Variants in RAPGEF5 observed in about 807,000 individuals in gnomAD.
The protein encoded by RAPGEF5 is Rap guanine nucleotide exchange factor 5.
A neutral mutation model predicts 125.2 loss-of-function variants in RAPGEF5; 65 were observed. The observed-to-expected ratio is 0.52, with a 90% CI of 0.43 to 0.64. The LOEUF is 0.64. Among genes scored for constraint, RAPGEF5 ranks in the 30% least tolerant of loss-of-function variants. The pLI, the probability that RAPGEF5 is intolerant of heterozygous loss-of-function variation, is 0.00. For synonymous variants in RAPGEF5, 391 were observed against 385.9 expected (o/e 1.01, Z -0.16); for missense variants, 958 against 1,048.1 (o/e 0.91, Z 1.19).
intron 2 of RAPGEF5, among the ~76,000 whole-genome samples, chr7:22,316,381 A>AGATAGATT (rs1783590851): frequency 7.2e-6 from 1 of 139,438 alleles, no homozygotes; most frequent in African/African-American, 2.6e-5. Context: ...ATAGATAGAT[A>AGATAGATT]GATTAAATGT....
intron 6 of RAPGEF5, among the ~76,000 whole-genome samples, chr7:22,275,827 T>C (rs1388635010): frequency 6.6e-6 from 1 of 152,118 alleles, no homozygotes; most frequent in East Asian, 1.9e-4. Flanking sequence ...GTGGTACAAA[T>C]CTGAATGAAT....
chr7:22,346,347 CT>C (rs1388170924), intron 1 of RAPGEF5, among the ~76,000 whole-genome samples: 3 of 152,176 alleles, frequency 2.0e-5, no homozygotes, highest in African/African-American at 7.2e-5. Flanking sequence ...CATACTTCCC[CT>C]AATCTCCAAA....
At chr7:22,250,373 T>C (rs895902840) in intron 7 of RAPGEF5, among the ~76,000 whole-genome samples, 4 of 152,230 alleles carry the variant, frequency 2.6e-5, no homozygotes, top group South Asian at 2.1e-4. Flanking sequence ...AAAAGAATAG[T>C]ATATAAATTT....
rs1782577724 is a variant in RAPGEF5, at chr7:22,121,345, C to T, written c.*1061G>A. On this transcript the variant is annotated 3_prime_UTR_variant, in exon 26 of 26. Transcript: ENST00000665637. The stretch of plus-strand genomic sequence containing the variant: ...CATTTGGCTATTTCAGGGCATTTTT[C>T]ATTTGCCAAAACACTAGTAATTACC... 6.6e-6 allele frequency: 1 copy of T among 151,884 alleles called. No homozygotes were observed. 9.4% of individuals were successfully genotyped at this position (151,884 alleles called of 1,614,324 possible).
At chr7:22,227,290 C>T (rs1320548437) in intron 8 of RAPGEF5, among the ~76,000 whole-genome samples, 1 of 151,820 alleles carries the variant, frequency 6.6e-6, no homozygotes, top group Admixed American at 6.6e-5. Flanking sequence ...AAAGATTTAA[C>T]AGGATAATCA....
chr7:22,130,033 T>C (rs1215382753), intron 24 of RAPGEF5, among the ~76,000 whole-genome samples: 1 of 152,150 alleles, frequency 6.6e-6, no homozygotes, highest in Non-Finnish European at 1.5e-5. Flanking sequence ...CTGCCTCACT[T>C]AACCTCCTCT....
chr7:22,213,632 C>T (rs1484614773), intron 9 of RAPGEF5, among the ~76,000 whole-genome samples: 16 of 152,250 alleles, frequency 1.1e-4, no homozygotes, highest in Non-Finnish European at 4.4e-5. Context: ...TAATACCAAT[C>T]CAACACAAAG....
At chr7:22,157,711 C>T in intron 15 of RAPGEF5, 144 bp downstream of exon 15, 1 of 848,562 alleles carries the variant, frequency 1.2e-6, no homozygotes. Context: ...CAGGAAAGCG[C>T]AGGGAAGCTG....
chr7:22,331,322 CTTA>C (rs1783911908), intron 1 of RAPGEF5, among the ~76,000 whole-genome samples: 1 of 152,152 alleles, frequency 6.6e-6, no homozygotes, highest in South Asian at 2.1e-4. Flanking sequence ...ATGATTGAAT[CTTA>C]TTTCTTTTTT....
intron 11 of RAPGEF5, among the ~76,000 whole-genome samples, chr7:22,174,494 C>T (rs1171726841): frequency 6.6e-6 from 1 of 152,204 alleles, no homozygotes; most frequent in Non-Finnish European, 1.5e-5. Flanking sequence ...AGGCACTCTC[C>T]AGTTCATCAC....
At chr7:22,297,092 G>A (rs1783079897) in intron 5 of RAPGEF5, among the ~76,000 whole-genome samples, 1 of 152,174 alleles carries the variant, frequency 6.6e-6, no homozygotes, top group Non-Finnish European at 1.5e-5. Flanking sequence ...GAAGAGTTTT[G>A]CTGTAAAAGG....
intron 9 of RAPGEF5, chr7:22,194,740 T>C: frequency 2.0e-6 from 2 of 985,414 alleles, no homozygotes; most frequent in Non-Finnish European, 1.2e-6. Flanking sequence ...AGTCCCTTTT[T>C]AAAAAGGAGA....
At chr7:22,277,371 C>T (rs1455360200) in intron 6 of RAPGEF5, among the ~76,000 whole-genome samples, 1 of 152,136 alleles carries the variant, frequency 6.6e-6, no homozygotes, top group Non-Finnish European at 1.5e-5. Context: ...TTGTATTTAA[C>T]AAGAAATGTG....
intron 9 of RAPGEF5, among the ~76,000 whole-genome samples, chr7:22,218,383 A>G (rs1217528740): frequency 1.3e-5 from 2 of 152,170 alleles, no homozygotes; most frequent in Non-Finnish European, 2.9e-5. Context: ...GAAAGATCTT[A>G]CCATACCTGA....
chr7:22,341,141 G>A (rs934454102), intron 1 of RAPGEF5, among the ~76,000 whole-genome samples: 2 of 152,304 alleles, frequency 1.3e-5, no homozygotes, highest in African/African-American at 2.4e-5. Context: ...TAGGTTTAAT[G>A]GACTTGTTCC....
intron 1 of RAPGEF5, among the ~76,000 whole-genome samples, chr7:22,355,781 A>G (rs35099910): frequency 1.4e-3 from 206 of 152,286 alleles, no homozygotes; most frequent in Non-Finnish European, 2.7e-3. Context: ...CATGAAAACA[A>G]GTGGTTATCC....
intron 1 of RAPGEF5, among the ~76,000 whole-genome samples, chr7:22,324,794 C>T (rs939058810): frequency 7.2e-5 from 11 of 152,122 alleles, no homozygotes; most frequent in Admixed American, 2.0e-4. Context: ...CATCTTCGCA[C>T]GAATTAATCT....
In RAPGEF5 at chr7:22,136,034, T is replaced by A. The variant is rs539864064; in HGVS notation, c.2416+4A>T. On this transcript the variant is annotated splice_donor_region_variant and intron_variant, in intron 23 of 25. Coordinates refer to ENST00000665637, the MANE Select transcript of RAPGEF5 (RefSeq NM_012294.5). ...ACATGGCATAAAAGATAGAAAATCA[T>A]TACCTTTAAGCAATAAGGGCATGAA... The A allele has an allele frequency of 3.8e-6, 6 of 1,583,752 alleles. No homozygotes were observed. The highest frequency in any genetic ancestry group is 2.7e-5 in the African/African-American group (2 of 74,064).
chr7:22,308,901 A>G (rs532890871), intron 4 of RAPGEF5, among the ~76,000 whole-genome samples: 31 of 152,356 alleles, frequency 2.0e-4, no homozygotes, highest in African/African-American at 7.2e-4. Flanking sequence ...TTCTCAACTT[A>G]GGGTGACTGT....
Sources: gnomAD v4.1 joint callset for allele counts (sites outside exome capture counted in the v4.1 genomes callset) on GRCh38, gnomAD v4.1.1 for gene constraint, MANE v1.5 for transcripts, NCBI Gene and HGNC (gene_info 2026-07-23, HGNC 2026-07-21) for gene names.